The following PHLPP1 variants were observed in gnomAD, a reference collection of about 807,000 sequenced individuals.
PHLPP1 encodes the protein PH domain and leucine rich repeat protein phosphatase 1.
A neutral mutation model predicts 117.2 loss-of-function variants in PHLPP1; 42 were observed. The ratio of observed to expected loss-of-function variants is 0.36; its 90% CI spans 0.28 to 0.46. PHLPP1 has a LOEUF of 0.46. Among genes scored for constraint, PHLPP1 ranks in the 20% least tolerant of loss-of-function variants. PHLPP1 has a pLI of 1.00. For synonymous variants in PHLPP1, 1,042 were observed against 970.7 expected (o/e 1.07, Z -1.37); for missense variants, 2,084 against 2,241.9 (o/e 0.93, Z 1.42).
intron 1 of PHLPP1, among the ~76,000 whole-genome samples, chr18:62,728,812 T>C (rs1438137015): frequency 1.3e-5 from 2 of 152,154 alleles, no homozygotes; most frequent in African/African-American, 4.8e-5. Context: ...TGGCCTGGTT[T>C]ATCTTTTAAT....
chr18:62,960,992 A>T (rs1315566047), intron 13 of PHLPP1, among the ~76,000 whole-genome samples: 2 of 152,070 alleles, frequency 1.3e-5, no homozygotes, highest in Admixed American at 1.3e-4. Flanking sequence ...CAGAACTCTG[A>T]CTCATTTAAA....
At chr18:62,717,417 A>G (rs190016120) in intron 1 of PHLPP1, among the ~76,000 whole-genome samples, 158 bp downstream of exon 1, 20 of 152,318 alleles carry the variant, frequency 1.3e-4, no homozygotes, top group Middle Eastern at 6.8e-3. Context: ...TCTGTGTAGT[A>G]CTAGATTGAG....
intron 4 of PHLPP1, among the ~76,000 whole-genome samples, chr18:62,872,558 G>A (rs1170185950): frequency 6.6e-6 from 1 of 151,566 alleles, no homozygotes; most frequent in African/African-American, 2.4e-5. Flanking sequence ...CCAGTGTGGT[G>A]GTGGGTGCCT....
intron 1 of PHLPP1, among the ~76,000 whole-genome samples, chr18:62,753,691 C>T (rs1424563171): frequency 3.3e-5 from 5 of 152,166 alleles, no homozygotes; most frequent in African/African-American, 1.2e-4. Flanking sequence ...ATGGGCTTCA[C>T]CCTTCCTTTT....
intron 10 of PHLPP1, among the ~76,000 whole-genome samples, chr18:62,935,746 G>A (rs1169390361): frequency 6.6e-6 from 1 of 152,216 alleles, no homozygotes; most frequent in Admixed American, 6.5e-5. Flanking sequence ...GCTCCTGCCT[G>A]TAATCCCAGC....
In PHLPP1 at chr18:62,747,316, G is replaced by T. The variant is rs139054906; in HGVS notation, c.1576+30057G>T. Among the ~76,000 whole-genome samples the T allele has an allele frequency of 9.5e-3, 1,164 of 122,614 alleles. 14 individuals are homozygous for T. The highest frequency in any genetic ancestry group is 0.036 in the African/African-American group (1,114 of 31,344). 80.4% of individuals were successfully genotyped at this position (122,614 alleles called of 152,430 possible). A position where few individuals can be genotyped will look rare whatever the true frequency, so the allele number is the denominator to read the frequency against. ...TTTTTTTCTGTGGAAACAGAGTCTC[G>T]CTCTTTTGCCCAGGTTGGATTGCAG... On this transcript the variant is annotated intron_variant, in intron 1 of 16. Coordinates refer to ENST00000262719, the MANE Select transcript of PHLPP1 (RefSeq NM_194449.4).
intron 12 of PHLPP1, among the ~76,000 whole-genome samples, chr18:62,955,789 G>A (rs1910594892): frequency 1.3e-5 from 2 of 152,082 alleles, no homozygotes; most frequent in Admixed American, 1.3e-4. Context: ...TTTGACCAAA[G>A]GCATTTTCTG....
At chr18:62,939,851 A>G (rs1254121942) in intron 10 of PHLPP1, among the ~76,000 whole-genome samples, 22 of 151,910 alleles carry the variant, frequency 1.4e-4, no homozygotes, top group Admixed American at 1.4e-3. Context: ...TCTCTCCAAG[A>G]TTAAAAATAA....
In PHLPP1 at chr18:62,979,239, C is replaced by T; in HGVS notation, c.4962C>T (p.Ala1654=). The T allele has an allele frequency of 6.3e-7, 1 of 1,596,124 alleles. No homozygotes were observed. The highest frequency in any genetic ancestry group is 1.1e-5 in the South Asian group (1 of 88,428). Residue 1654 remains alanine, a synonymous_variant, in exon 17 of 17, where the codon GCC becomes GCT. Transcript: ENST00000262719. ...PLRKPGGYFA[A]PAQPDPDDQF... ...GAAAGCCTGGAGGCTATTTTGCTGC[C>T]CCGGCTCAGCCGGATCCTGATGATC...
intron 13 of PHLPP1, among the ~76,000 whole-genome samples, chr18:62,959,580 G>C (rs1229656380): frequency 6.6e-6 from 1 of 152,032 alleles, no homozygotes; most frequent in African/African-American, 2.4e-5. Flanking sequence ...ATTTTTTGGG[G>C]TATATCAGTA....
At chr18:62,895,675 A>G (rs1916541467) in intron 5 of PHLPP1, 106 bp from the exon 6 acceptor site, 1 of 743,592 alleles carries the variant, frequency 1.3e-6, no homozygotes, top group East Asian at 2.5e-5. Context: ...TGCGAAGAAT[A>G]ATACATTTTC....
At chr18:62,739,878 C>T (rs1261501511) in intron 1 of PHLPP1, among the ~76,000 whole-genome samples, 2 of 152,080 alleles carry the variant, frequency 1.3e-5, no homozygotes, top group Non-Finnish European at 2.9e-5. Context: ...TGCTTTTTCT[C>T]GAGCTCATCA....
At chr18:62,933,225 C>T (rs1414030654) in intron 10 of PHLPP1, among the ~76,000 whole-genome samples, 1 of 152,102 alleles carries the variant, frequency 6.6e-6, no homozygotes. Flanking sequence ...TCCTATCAAA[C>T]TACCAATGTC....
At chr18:62,804,196 A>G (rs1288442551) in intron 1 of PHLPP1, among the ~76,000 whole-genome samples, 3 of 152,110 alleles carry the variant, frequency 2.0e-5, no homozygotes, top group Non-Finnish European at 4.4e-5. Context: ...TTATGAAACC[A>G]TCAGATCTCA....
At chr18:62,853,904 C>T (rs1458337055) in intron 3 of PHLPP1, among the ~76,000 whole-genome samples, 1 of 152,124 alleles carries the variant, frequency 6.6e-6, no homozygotes, top group Non-Finnish European at 1.5e-5. Flanking sequence ...CAGAGCCTCT[C>T]CTGATTTTTT....
At chr18:62,974,114 A>C (rs693250) in intron 15 of PHLPP1, among the ~76,000 whole-genome samples, 11,155 of 152,244 alleles carry the variant, frequency 0.073, 569 homozygotes, top group African/African-American at 0.13. Flanking sequence ...AGCACTGGGT[A>C]AGAATTAAAA....
At chr18:62,743,732 G>A (rs1441666828) in intron 1 of PHLPP1, among the ~76,000 whole-genome samples, 1 of 151,824 alleles carries the variant, frequency 6.6e-6, no homozygotes, top group Non-Finnish European at 1.5e-5. Flanking sequence ...TTTAATTTTA[G>A]GTTTCCCGCC....
Position 62,777,605 on chromosome 18 carries a change from C to A in PHLPP1, c.1577-52430C>A, listed in dbSNP as rs372855678. ...GCCTAATTTGTGAGGTGTTTTTTGC[C>A]TACTGTAAAGTCACAAAGATTTTTC... On this transcript the variant is annotated intron_variant, in intron 1 of 16. Coordinates refer to ENST00000262719, the MANE Select transcript of PHLPP1 (RefSeq NM_194449.4). Among the ~76,000 whole-genome samples, 72 of 151,580 alleles carry A rather than the reference C, an allele frequency of 4.7e-4. 2 individuals are homozygous for A. In the South Asian group the frequency reaches 0.015, roughly 32 times the overall value.
At chr18:62,764,715 TCTTA>T (rs796432444) in intron 1 of PHLPP1, among the ~76,000 whole-genome samples, 82 of 152,356 alleles carry the variant, frequency 5.4e-4, no homozygotes, top group African/African-American at 1.8e-3. Context: ...TGAAATGGGT[TCTTA>T]CTTGTACAAC....
Sources: gnomAD v4.1 joint callset for allele counts (sites outside exome capture counted in the v4.1 genomes callset) on GRCh38, gnomAD v4.1.1 for gene constraint, MANE v1.5 for transcripts, NCBI Gene and HGNC (gene_info 2026-07-23, HGNC 2026-07-21) for gene names.